The following STRN variants were observed in gnomAD, a reference collection of about 807,000 sequenced individuals.
STRN encodes the protein protein phosphatase 2 regulatory subunit B'''alpha.
In STRN, 53 loss-of-function variants were observed where a neutral mutation model predicts 96.3. The ratio of observed to expected loss-of-function variants is 0.55; its 90% CI spans 0.44 to 0.69. The LOEUF is 0.69. Ranked by LOEUF, STRN falls within the 30% of genes least tolerant of loss-of-function variation. The probability of loss-of-function intolerance (pLI) is 0.00; values close to 1 mark genes in which losing one functional copy is unlikely to be tolerated. For synonymous variants in STRN, 428 were observed against 355.9 expected (o/e 1.20, Z -2.28); for missense variants, 987 against 963.9 (o/e 1.02, Z -0.32).
intron 6 of STRN, among the ~76,000 whole-genome samples, chr2:36,894,946 A>C (rs1311846745): frequency 1.3e-5 from 2 of 152,180 alleles, no homozygotes; most frequent in Non-Finnish European, 2.9e-5. Flanking sequence ...TTCTCAGTAC[A>C]GCACTCCAAG....
intron 1 of STRN, among the ~76,000 whole-genome samples, chr2:36,945,211 AAAG>A (rs920715793): frequency 3.9e-5 from 6 of 152,196 alleles, no homozygotes; most frequent in African/African-American, 1.4e-4. Flanking sequence ...TACTTTTTTA[AAAG>A]AAGGGAAATA....
intron 7 of STRN, among the ~76,000 whole-genome samples, chr2:36,887,417 C>T (rs910183320): frequency 1.4e-4 from 21 of 151,812 alleles, no homozygotes; most frequent in African/African-American, 5.1e-4. Context: ...TTGCAATGAG[C>T]CGAGATTGTG....
At chr2:36,964,664 G>A (rs143520593) in intron 1 of STRN, among the ~76,000 whole-genome samples, 10 of 152,290 alleles carry the variant, frequency 6.6e-5, no homozygotes, top group African/African-American at 2.2e-4. Context: ...TCATTCAGCT[G>A]CTCATTTGTC....
chr2:36,861,195 TACC>T lies in STRN; in HGVS notation c.1603_1605del (p.Gly535del). ...TTCCAGCCCTGGATCAGTCCATCAG[TACC>T]ACCACTGTAACACTGCTCACCATTG... On this transcript the variant is annotated inframe_deletion, in exon 13 of 18. Coordinates refer to ENST00000263918, the MANE Select transcript of STRN (RefSeq NM_003162.4). The T allele has an allele frequency of 6.2e-7, 1 of 1,614,096 alleles. No individual in the cohort carries two copies. The highest frequency in any genetic ancestry group is 8.5e-7 in the Non-Finnish European group (1 of 1,179,986).
chr2:36,919,274 A>G (rs1424840915), intron 2 of STRN, among the ~76,000 whole-genome samples: 1 of 152,212 alleles, frequency 6.6e-6, no homozygotes, highest in Non-Finnish European at 1.5e-5. Flanking sequence ...ACTGTGTAAG[A>G]GCTATAAGGG....
intron 1 of STRN, among the ~76,000 whole-genome samples, chr2:36,940,778 A>C (rs1249102291): frequency 6.9e-6 from 1 of 144,472 alleles, no homozygotes; most frequent in African/African-American, 2.6e-5. Context: ...CAGAGCTTGC[A>C]GTGGGCCAAG....
rs1464572916 is a variant in STRN, at chr2:36,846,780, CA to C, written c.*2675del. 1.3e-5 allele frequency: 2 copies of C among 151,968 alleles called. No individual in the cohort carries two copies. Among genetic ancestry groups the C allele is most frequent in the African/African-American group, 4.8e-5 (2 of 41,396 alleles). 9.4% of individuals were successfully genotyped at this position (151,968 alleles called of 1,614,324 possible). On this transcript the variant is annotated 3_prime_UTR_variant, in exon 18 of 18. Transcript: ENST00000263918. ...AATAATCTGTCTATGGTTTGAGTAG[CA>C]AATGAGCTCCATATGACAGTTGAGT...
chr2:36,872,942 G>A (rs919297002), intron 10 of STRN, among the ~76,000 whole-genome samples: 1 of 152,212 alleles, frequency 6.6e-6, no homozygotes, highest in Admixed American at 6.5e-5. Flanking sequence ...CAATATTTCG[G>A]CTGTTTTCCC....
At chr2:36,884,859 T>C (rs752695711) in intron 8 of STRN, among the ~76,000 whole-genome samples, 9 of 152,194 alleles carry the variant, frequency 5.9e-5, no homozygotes, top group Non-Finnish European at 8.8e-5. Context: ...TATAACTCAA[T>C]GCTTTATATA....
intron 1 of STRN, among the ~76,000 whole-genome samples, chr2:36,962,662 C>T (rs1367371602): frequency 6.6e-6 from 1 of 152,046 alleles, no homozygotes; most frequent in Non-Finnish European, 1.5e-5. Flanking sequence ...GCACACACCA[C>T]CATGCTCAGC....
At chr2:36,959,598 C>T (rs1301508100) in intron 1 of STRN, among the ~76,000 whole-genome samples, 1 of 152,154 alleles carries the variant, frequency 6.6e-6, no homozygotes, top group Non-Finnish European at 1.5e-5. Context: ...GTCATTACAT[C>T]TCAGTCAGAA....
At chr2:36,950,495 C>T (rs948288592) in intron 1 of STRN, among the ~76,000 whole-genome samples, 1 of 152,086 alleles carries the variant, frequency 6.6e-6, no homozygotes, top group South Asian at 2.1e-4. Context: ...GGATTACAGG[C>T]GTAGTTTTTA....
Position 36,869,682 on chromosome 2 carries a change from A to G in STRN, c.1371T>C (p.Phe457=). 3 of 1,611,502 alleles carry G rather than the reference A, an allele frequency of 1.9e-6. No individual in the cohort carries two copies. Among genetic ancestry groups the G allele is most frequent in the Non-Finnish European group, 2.5e-6 (3 of 1,178,922 alleles). ...TGCCATCAAAGTGACTTCTCAATGT[A>G]AACTTAGGGTTCCATGTCTTCCTCA... The part of the protein sequence containing the change: ...DALRKTWNPK[F]TLRSHFDGIR... Residue 457 remains phenylalanine, a synonymous_variant, in exon 11 of 18, where the codon TTT becomes TTC. Coordinates refer to ENST00000263918, the MANE Select transcript of STRN (RefSeq NM_003162.4).
intron 12 of STRN, among the ~76,000 whole-genome samples, chr2:36,864,301 T>C (rs1257279499): frequency 2.0e-5 from 3 of 152,208 alleles, no homozygotes; most frequent in Non-Finnish European, 1.5e-5. Context: ...TTGTCATAGA[T>C]GGCTCTTAAT....
chr2:36,889,423 A>G (rs1669328965), intron 7 of STRN, among the ~76,000 whole-genome samples: 1 of 151,126 alleles, frequency 6.6e-6, no homozygotes, highest in East Asian at 2.0e-4. Context: ...ATTTTCATCA[A>G]TCAGGTCTTA....
intron 7 of STRN, among the ~76,000 whole-genome samples, chr2:36,887,195 G>A (rs981983132): frequency 4.0e-5 from 6 of 151,586 alleles, no homozygotes; most frequent in African/African-American, 1.5e-4. Context: ...TTAGGAGGCT[G>A]AGGCGGGTGG....
intron 2 of STRN, among the ~76,000 whole-genome samples, chr2:36,920,763 G>A (rs1453956920): frequency 6.6e-6 from 1 of 150,682 alleles, no homozygotes; most frequent in Non-Finnish European, 1.5e-5. Context: ...CTGTCCTTCA[G>A]AGTCAAATTT....
At chr2:36,863,160 A>T (rs918323578) in intron 12 of STRN, among the ~76,000 whole-genome samples, 1 of 151,794 alleles carries the variant, frequency 6.6e-6, no homozygotes, top group East Asian at 1.9e-4. Context: ...ATGTGTGCAG[A>T]AGCTCTTCAG....
intron 2 of STRN, among the ~76,000 whole-genome samples, chr2:36,920,563 G>C (rs903102971): frequency 5.9e-5 from 9 of 151,526 alleles, no homozygotes; most frequent in African/African-American, 1.9e-4. Flanking sequence ...TCTTGAACTC[G>C]GGAGGTGCAG....
Sources: allele counts gnomAD v4.1 joint callset (sites outside exome capture counted in the v4.1 genomes callset), GRCh38; gene constraint gnomAD v4.1.1; transcripts MANE v1.5; gene names NCBI Gene and HGNC (gene_info 2026-07-23, HGNC 2026-07-21).